MCM9: variants seen among roughly 807,000 people sequenced by gnomAD.
MCM9 encodes the protein DNA helicase MCM9.
Under a neutral mutation model 72.8 loss-of-function variants are expected in MCM9, and 55 were observed. The ratio of observed to expected loss-of-function variants is 0.76; its 90% CI spans 0.61 to 0.95. The LOEUF is 0.95. Among genes scored for constraint, MCM9 ranks in the 40% least tolerant of loss-of-function variants. The pLI, the probability that MCM9 is intolerant of heterozygous loss-of-function variation, is 0.00. For synonymous variants in MCM9, 480 were observed against 503.4 expected (o/e 0.95, Z 0.62); for missense variants, 1,279 against 1,377.0 (o/e 0.93, Z 1.13).
At chr6:118,826,429 G>T in intron 12 of MCM9, 137 bp from the exon 13 acceptor site, 2 of 889,732 alleles carry the variant, frequency 2.2e-6, no homozygotes, top group Non-Finnish European at 3.2e-6. Flanking sequence ...CACTTGGGAG[G>T]CTTTTTCAAC....
chr6:118,832,199 T>C (rs1562402498), intron 9 of MCM9, among the ~76,000 whole-genome samples: 1 of 152,200 alleles, frequency 6.6e-6, no homozygotes, highest in Non-Finnish European at 1.5e-5. Flanking sequence ...TAGCTAGCAT[T>C]ACAGGTGTAC....
chr6:118,856,480 C>T lies in MCM9; in HGVS notation c.1216G>A (p.Ala406Thr), dbSNP rs1429770231. 2 of 1,535,524 alleles carry T rather than the reference C, an allele frequency of 1.3e-6. No individual in the cohort carries two copies. Among genetic ancestry groups the T allele is most frequent in the African/African-American group, 2.7e-5 (2 of 73,024 alleles). ...TCAATACAGCAAAGGCCCGCATCTG[C>T]AAGAACTAATGCCCCAGCCTCCAAA... The part of the protein sequence containing the change: ...WNLEAGALVL[A>T]DAGLCCIDEF... The change falls in exon 9 of 14, where the codon GCA (alanine) becomes ACA (threonine). Residue 406 changes from alanine to threonine, a missense_variant. By Grantham distance (58) the Ala-to-Thr change is moderately conservative. Transcript: ENST00000619706.
At chr6:118,846,551 C>T (rs1451657005) in intron 9 of MCM9, among the ~76,000 whole-genome samples, 4 of 151,692 alleles carry the variant, frequency 2.6e-5, no homozygotes, top group African/African-American at 9.7e-5. Context: ...CCTGAAAGTT[C>T]CGGGGACCAG....
chr6:118,819,785 C>T (rs1446366323), intron 13 of MCM9, among the ~76,000 whole-genome samples: 1 of 152,168 alleles, frequency 6.6e-6, no homozygotes, highest in Non-Finnish European at 1.5e-5. Context: ...TTAATTACTG[C>T]CTCACTTTCA....
At chr6:118,838,717 G>A (rs370363441) in intron 9 of MCM9, among the ~76,000 whole-genome samples, 42 of 152,322 alleles carry the variant, frequency 2.8e-4, no homozygotes, top group East Asian at 1.2e-3. Context: ...CACTGTGCCC[G>A]GCCGAAAATT....
intron 8 of MCM9, among the ~76,000 whole-genome samples, chr6:118,867,995 G>A (rs1777332346): frequency 6.7e-6 from 1 of 149,000 alleles, no homozygotes; most frequent in Admixed American, 6.8e-5. Flanking sequence ...TCCTTCCTCA[G>A]CCTCCAGAGT....
intron 13 of MCM9, among the ~76,000 whole-genome samples, chr6:118,823,146 C>T (rs1004415398): frequency 6.6e-6 from 1 of 152,080 alleles, no homozygotes; most frequent in African/African-American, 2.4e-5. Flanking sequence ...CCAGGTGCCA[C>T]TGGGGTATGA....
chr6:118,887,941 A>T (rs911843714), intron 8 of MCM9, among the ~76,000 whole-genome samples: 2 of 152,090 alleles, frequency 1.3e-5, no homozygotes, highest in Admixed American at 1.3e-4. Context: ...TGTATTTTTT[A>T]AAAAAGGGGT....
chr6:118,871,616 T>C (rs541646813), intron 8 of MCM9, among the ~76,000 whole-genome samples: 4 of 152,238 alleles, frequency 2.6e-5, no homozygotes, highest in African/African-American at 7.2e-5. Context: ...AGTATTACAA[T>C]AGCATCAAAA....
intron 8 of MCM9, among the ~76,000 whole-genome samples, chr6:118,868,160 C>A (rs1777346976): frequency 6.6e-6 from 1 of 152,050 alleles, no homozygotes; most frequent in Non-Finnish European, 1.5e-5. Flanking sequence ...CAGGTGTGAG[C>A]CACTGCACTC....
intron 9 of MCM9, among the ~76,000 whole-genome samples, chr6:118,843,982 G>GC (rs964530529): frequency 5.3e-5 from 8 of 151,324 alleles, no homozygotes; most frequent in Non-Finnish European, 1.0e-4. Context: ...GAAAGGCAGG[G>GC]CCCCAGAATA....
chr6:118,893,681 T>C (rs1020970673), intron 8 of MCM9, among the ~76,000 whole-genome samples: 10 of 152,274 alleles, frequency 6.6e-5, no homozygotes, highest in African/African-American at 2.2e-4. Flanking sequence ...ATGCAATTTA[T>C]TTCCCCTGCA....
chr6:118,852,244 G>A (rs1688612), intron 9 of MCM9, among the ~76,000 whole-genome samples: 11,600 of 152,096 alleles, frequency 0.076, 683 homozygotes, highest in East Asian at 0.19. Flanking sequence ...TCCATCACTG[G>A]CAAAAATGTT....
intron 8 of MCM9, among the ~76,000 whole-genome samples, chr6:118,883,492 A>G (rs1171338376): frequency 6.6e-6 from 1 of 152,118 alleles, no homozygotes; most frequent in Non-Finnish European, 1.5e-5. Context: ...AGCTCAACAA[A>G]ATCCAAGTAG....
chr6:118,883,069 C>CA (rs36162403), intron 8 of MCM9, among the ~76,000 whole-genome samples: 8,967 of 45,824 alleles, frequency 0.2, 1,249 homozygotes, highest in African/African-American at 0.42. Flanking sequence ...CTCAAAGATG[C>CA]AAAAAAAAAA....
rs979261946 is a variant in MCM9, at chr6:118,863,412, G to A, written c.1151-6867C>T. 3.0e-4 allele frequency among the ~76,000 whole-genome samples: 45 copies of A among 152,234 alleles called. 1 individual carries two copies. Among genetic ancestry groups the A allele is most frequent in the Admixed American group, 2.7e-3 (41 of 15,298 alleles). ...ATATAATTGATATGCTAAGTGAGGA[G>A]AGAAAATGGAATCATAAAAACTGCT... is the stretch of plus-strand genomic sequence containing the variant. On this transcript the variant is annotated intron_variant, in intron 8 of 13. Coordinates refer to ENST00000619706, the MANE Select transcript of MCM9 (RefSeq NM_017696.3).
At chr6:118,825,008 G>A (rs1774068212) in intron 13 of MCM9, among the ~76,000 whole-genome samples, 1 of 152,036 alleles carries the variant, frequency 6.6e-6, no homozygotes, top group Admixed American at 6.6e-5. Context: ...TTTAAATTTG[G>A]GAAGTCTAAT....
intron 8 of MCM9, among the ~76,000 whole-genome samples, chr6:118,893,787 G>A (rs1779112829): frequency 6.6e-6 from 1 of 151,934 alleles, no homozygotes; most frequent in South Asian, 2.1e-4. Flanking sequence ...AATTCAGCAA[G>A]GCCGGCAAAG....
At chr6:118,905,253 C>A (rs1295676391) in intron 8 of MCM9, among the ~76,000 whole-genome samples, 4 of 152,136 alleles carry the variant, frequency 2.6e-5, no homozygotes, top group Non-Finnish European at 4.4e-5. Flanking sequence ...CATTTGTGGC[C>A]AACAGTCTAT....
Sources: allele counts gnomAD v4.1 joint callset (sites outside exome capture counted in the v4.1 genomes callset), GRCh38; gene constraint gnomAD v4.1.1; transcripts MANE v1.5; gene names NCBI Gene and HGNC (gene_info 2026-07-23, HGNC 2026-07-21).